LRRTM4: variants seen among roughly 807,000 people sequenced by gnomAD.
LRRTM4 encodes leucine-rich repeat transmembrane neuronal protein 4.
LRRTM4 carries 25 observed loss-of-function variants against 47.6 expected under a neutral mutation model. That is an observed-to-expected ratio of 0.53 (90% CI 0.38 to 0.73). The LOEUF (loss-of-function observed/expected upper bound fraction) is 0.73. Among genes scored for constraint, LRRTM4 ranks in the 30% least tolerant of loss-of-function variants. The pLI, the probability that LRRTM4 is intolerant of heterozygous loss-of-function variation, is 0.00. For missense variants in LRRTM4, 638 were observed against 713.4 expected (o/e 0.89, Z 1.20); for synonymous variants, 311 against 269.5 (o/e 1.15, Z -1.51).
At chr2:76,907,296 A>G (rs1279056263) in intron 3 of LRRTM4, among the ~76,000 whole-genome samples, 2 of 147,726 alleles carry the variant, frequency 1.4e-5, no homozygotes, top group East Asian at 2.0e-4. Flanking sequence ...TGAAACCACG[A>G]GAACAAAGAC....
intron 3 of LRRTM4, among the ~76,000 whole-genome samples, chr2:77,337,942 C>T (rs1671224798): frequency 6.6e-6 from 1 of 152,070 alleles, no homozygotes; most frequent in Admixed American, 6.6e-5. Flanking sequence ...AAGCTGCCAA[C>T]ATACAGCCAT....
intron 3 of LRRTM4, 54 bp from the exon 4 acceptor site, chr2:76,748,970 A>T: frequency 7.1e-7 from 1 of 1,415,788 alleles, no homozygotes; most frequent in Non-Finnish European, 9.9e-7. Context: ...TTGGAAAGAT[A>T]GGACAGCACT....
chr2:76,786,294 G>C lies in LRRTM4; in HGVS notation c.1552-37378C>G, dbSNP rs141127471. 1.0e-3 allele frequency among the ~76,000 whole-genome samples: 155 copies of C among 152,112 alleles called. 1 individual carries two copies. The East Asian group carries it at 0.021, about 21-fold the overall frequency. ...TCAATTTAAGTTTGAAAATGGCGGA[G>C]ATTGTATTGGTTAAGAATATTTATA... On this transcript the variant is annotated intron_variant, in intron 3 of 3. Transcript: ENST00000409884.
chr2:77,477,903 A>AAG (rs1489532756), intron 3 of LRRTM4, among the ~76,000 whole-genome samples: 3 of 109,826 alleles, frequency 2.7e-5, no homozygotes, highest in East Asian at 2.8e-4. Context: ...AAAAGAAAGA[A>AAG]AAAGAAAGAA....
intron 3 of LRRTM4, among the ~76,000 whole-genome samples, chr2:77,078,578 A>G (rs563211288): frequency 2.2e-4 from 34 of 152,292 alleles, no homozygotes; most frequent in Admixed American, 5.2e-4. Context: ...TTGTATGGAT[A>G]AGCTGTCATG....
intron 3 of LRRTM4, among the ~76,000 whole-genome samples, chr2:77,458,029 A>G (rs1417818993): frequency 6.6e-6 from 1 of 152,178 alleles, no homozygotes; most frequent in East Asian, 1.9e-4. Context: ...GGTGAGAGAA[A>G]TGCCAAATCG....
intron 3 of LRRTM4, among the ~76,000 whole-genome samples, chr2:76,962,298 G>A (rs746043713): frequency 2.6e-5 from 4 of 151,116 alleles, no homozygotes; most frequent in African/African-American, 7.3e-5. Flanking sequence ...TCAATACAAA[G>A]TAATACGTAT....
intron 3 of LRRTM4, among the ~76,000 whole-genome samples, chr2:76,872,903 C>T (rs1304876259): frequency 6.6e-6 from 1 of 152,080 alleles, no homozygotes; most frequent in Non-Finnish European, 1.5e-5. Flanking sequence ...CACCCTTGCT[C>T]CCTCTCTTGC....
chr2:77,408,844 G>GAA (rs1674310007), intron 3 of LRRTM4, among the ~76,000 whole-genome samples: 1 of 152,162 alleles, frequency 6.6e-6, no homozygotes, highest in African/African-American at 2.4e-5. Context: ...TTTCATAAAT[G>GAA]TGTTTCAAAT....
At chr2:77,023,395 C>T (rs946338104) in intron 3 of LRRTM4, among the ~76,000 whole-genome samples, 1 of 152,228 alleles carries the variant, frequency 6.6e-6, no homozygotes, top group Non-Finnish European at 1.5e-5. Flanking sequence ...CACTGTGTCA[C>T]TTATGTAAAT....
intron 3 of LRRTM4, among the ~76,000 whole-genome samples, chr2:77,228,824 A>T (rs1013996355): frequency 6.6e-6 from 1 of 152,108 alleles, no homozygotes; most frequent in African/African-American, 2.4e-5. Flanking sequence ...TATAATATTC[A>T]CCCCTACTAG....
chr2:76,860,953 A>C (rs1672295265), intron 3 of LRRTM4, among the ~76,000 whole-genome samples: 1 of 152,152 alleles, frequency 6.6e-6, no homozygotes, highest in South Asian at 2.1e-4. Context: ...TGGAAATACT[A>C]ATAATATATA....
intron 3 of LRRTM4, among the ~76,000 whole-genome samples, chr2:77,066,287 C>T (rs1187033002): frequency 1.3e-5 from 2 of 151,948 alleles, no homozygotes; most frequent in Non-Finnish European, 2.9e-5. Context: ...AATCATAGAA[C>T]AAGAACTACT....
chr2:77,338,064 T>C (rs1671229530), intron 3 of LRRTM4, among the ~76,000 whole-genome samples: 1 of 152,056 alleles, frequency 6.6e-6, no homozygotes, highest in Non-Finnish European at 1.5e-5. Context: ...AGTGAAACCT[T>C]TCCTTATACC....
intron 3 of LRRTM4, among the ~76,000 whole-genome samples, chr2:77,469,702 T>A (rs1677111177): frequency 6.6e-6 from 1 of 151,296 alleles, no homozygotes; most frequent in Non-Finnish European, 1.5e-5. Flanking sequence ...ATTTTTTTTA[T>A]CTGTATAGCA....
At chr2:76,896,883 A>G (rs923066330) in intron 3 of LRRTM4, among the ~76,000 whole-genome samples, 2 of 149,760 alleles carry the variant, frequency 1.3e-5, no homozygotes, top group Non-Finnish European at 3.0e-5. Flanking sequence ...TAATCATGTA[A>G]CACAACTTCT....
At chr2:76,788,577 G>A (rs565722157) in intron 3 of LRRTM4, among the ~76,000 whole-genome samples, 2 of 152,272 alleles carry the variant, frequency 1.3e-5, no homozygotes, top group Non-Finnish European at 2.9e-5. Context: ...GATAATTTCA[G>A]AATAAGTGCA....
At chr2:77,041,877 GA>G (rs1176637496) in intron 3 of LRRTM4, among the ~76,000 whole-genome samples, 1 of 149,106 alleles carries the variant, frequency 6.7e-6, no homozygotes, top group East Asian at 2.0e-4. Context: ...TCTGAATATT[GA>G]AACAATTCTA....
intron 3 of LRRTM4, among the ~76,000 whole-genome samples, chr2:76,840,774 A>G (rs1671651138): frequency 6.6e-6 from 1 of 152,162 alleles, no homozygotes; most frequent in South Asian, 2.1e-4. Flanking sequence ...TACAGGAAAC[A>G]ACAGGTGCTG....
Sources: allele counts gnomAD v4.1 joint callset (sites outside exome capture counted in the v4.1 genomes callset), GRCh38; gene constraint gnomAD v4.1.1; transcripts MANE v1.5; gene names NCBI Gene and HGNC (gene_info 2026-07-23, HGNC 2026-07-21).